UGT1A5: variants seen among roughly 807,000 people sequenced by gnomAD.
UGT1A5 encodes the protein UDP-glucuronosyltransferase 1A5.
In UGT1A5, 29 loss-of-function variants were observed where a neutral mutation model predicts 40.3. That is an observed-to-expected ratio of 0.72 (90% CI 0.54 to 0.98). The LOEUF is 0.98. UGT1A5 is among the 50% of genes least tolerant of loss of function. The probability of loss-of-function intolerance (pLI) is 0.00; values close to 1 mark genes in which losing one functional copy is unlikely to be tolerated. For missense variants in UGT1A5, 678 were observed against 677.9 expected (o/e 1.00, Z 0.00); for synonymous variants, 257 against 262.5 (o/e 0.98, Z 0.20).
chr2:233,742,301 A>C (rs1405327803), intron 1 of UGT1A5, among the ~76,000 whole-genome samples: 1 of 152,018 alleles, frequency 6.6e-6, no homozygotes, highest in Admixed American at 6.5e-5. Context: ...TTATAGATTA[A>C]CTAAAAGTAT....
At chr2:233,735,001 G>A (rs76924132) in intron 1 of UGT1A5, among the ~76,000 whole-genome samples, 2 of 152,186 alleles carry the variant, frequency 1.3e-5, no homozygotes, top group African/African-American at 4.8e-5. Flanking sequence ...TTGACTTAGG[G>A]TGGAGAGTTC....
rs1218307967 is a variant in UGT1A5 at position 233,768,238 on chromosome 2, C to G, written c.1106C>G (p.Ala369Gly). 1.2e-6 allele frequency: 2 copies of G among 1,614,074 alleles called. No homozygotes were observed. The highest frequency in any genetic ancestry group is 1.6e-4 in the Middle Eastern group (1 of 6,084). The change falls in exon 4 of 5, where the codon GCC becomes GGC. Residue 369 changes from alanine (A) to glycine (G), a missense_variant. Coordinates refer to ENST00000373414, the MANE Select transcript of UGT1A5 (RefSeq NM_019078.2). ...NDLLGHPMTR[A>G]FITHAGSHGV... Reference sequence around the variant, plus strand: ...ATCTCAGGTCACCCGATGACCCGTGCCTTTATCACCCATGCTGGTTCCCAT... The same window carrying G: ...ATCTCAGGTCACCCGATGACCCGTGGCTTTATCACCCATGCTGGTTCCCAT...
intron 1 of UGT1A5, among the ~76,000 whole-genome samples, chr2:233,725,821 C>A (rs539043727): frequency 6.6e-6 from 1 of 152,130 alleles, no homozygotes; most frequent in South Asian, 2.1e-4. Flanking sequence ...TATTGGATAC[C>A]AGTATTGCTA....
At chr2:233,747,683 T>C (rs1401123315) in intron 1 of UGT1A5, 4 of 1,608,556 alleles carry the variant, frequency 2.5e-6, no homozygotes, top group Middle Eastern at 1.7e-4. Flanking sequence ...TTTACCTCTG[T>C]GGGGCAGTGC....
intron 1 of UGT1A5, chr2:233,722,085 C>T: frequency 4.6e-6 from 1 of 216,028 alleles, no homozygotes; most frequent in Non-Finnish European, 9.4e-6. Context: ...TTTCACAGAT[C>T]ACCTTAGGCC....
chr2:233,757,554 ATATATATG>A lies in UGT1A5; in HGVS notation c.868-9471_868-9464del, dbSNP rs1052235726. On this transcript the variant is annotated intron_variant, in intron 1 of 4. Transcript: ENST00000373414. ...GTAAGGAATATATATATATATATAT[ATATATATG>A]TATATATGATATAGCTATAGTCTAA... Among the ~76,000 whole-genome samples the A allele has an allele frequency of 3.8e-3, 481 of 125,326 alleles. 1 individual carries two copies. Among genetic ancestry groups the A allele is most frequent in the Non-Finnish European group, 4.6e-3 (284 of 61,224 alleles). 82.2% of individuals were successfully genotyped at this position (125,326 alleles called of 152,430 possible).
intron 1 of UGT1A5, among the ~76,000 whole-genome samples, chr2:233,759,163 C>T (rs28899472): frequency 0.024 from 3,618 of 152,322 alleles, 42 homozygotes; most frequent in Non-Finnish European, 0.031. Flanking sequence ...GAACACAAGG[C>T]AGGCAGGTTT....
chr2:233,730,043 T>A (rs766678673), intron 1 of UGT1A5: 9 of 1,612,624 alleles, frequency 5.6e-6, no homozygotes, highest in South Asian at 2.2e-5. Context: ...AAACACTTTT[T>A]AAAAAAATGT....
chr2:233,768,568 G>A, intron 4 of UGT1A5, 129 bp downstream of exon 4: 1 of 1,402,764 alleles, frequency 7.1e-7, no homozygotes, highest in Non-Finnish European at 9.3e-7. Context: ...TAAAAATCTG[G>A]ATTTTTATTT....
intron 1 of UGT1A5, chr2:233,729,523 C>T (rs753472390): frequency 6.2e-7 from 1 of 1,614,202 alleles, no homozygotes; most frequent in Non-Finnish European, 8.5e-7. Context: ...GGAGCTACTA[C>T]ATAATGAGGC....
Position 233,769,482 on chromosome 2 carries a change from T to A in UGT1A5, c.1307+1043T>A. On this transcript the variant is annotated intron_variant, in intron 4 of 4. Coordinates refer to ENST00000373414, the MANE Select transcript of UGT1A5 (RefSeq NM_019078.2). The surrounding 1 kb of genome is among the most constrained non-coding windows in gnomAD (Gnocchi z 4.4). Reference sequence around the variant, plus strand: ...TCATATGCGTGTGTGTGTGTGTGCGTGTGTTTATGAGAGTGTCCATTGCTT... The same window carrying A: ...TCATATGCGTGTGTGTGTGTGTGCGAGTGTTTATGAGAGTGTCCATTGCTT... The A allele has an allele frequency of 6.2e-7, 1 of 1,611,750 alleles. No homozygotes were observed.
At position 233,721,862 on chromosome 2, in the gene UGT1A5, T is replaced by C. The variant is rs1254741944; in HGVS notation, c.867+8004T>C. Reference sequence around the variant, plus strand: ...TGTGTCCAGCCCCACTGCTCGGCCCTGGGCACACTTGCCAGCCCCTCCATT... The same window carrying C: ...TGTGTCCAGCCCCACTGCTCGGCCCCGGGCACACTTGCCAGCCCCTCCATT... On this transcript the variant is annotated intron_variant, in intron 1 of 4. Coordinates refer to ENST00000373414, the MANE Select transcript of UGT1A5 (RefSeq NM_019078.2). 6 of 506,358 alleles carry C rather than the reference T, an allele frequency of 1.2e-5. No individual in the cohort carries two copies. The Admixed American group carries it at 1.2e-4, about 10-fold the overall frequency. The allele number at this position is 506,358 out of a possible 1,614,324, so 31.4% of individuals were successfully genotyped here.
intron 1 of UGT1A5, among the ~76,000 whole-genome samples, chr2:233,752,746 AAAACAAAC>A (rs200752387): frequency 7.9e-5 from 12 of 152,308 alleles, no homozygotes; most frequent in East Asian, 1.9e-4. Context: ...CCCTGTCTCT[AAAACAAAC>A]AAACAAACAA....
chr2:233,759,973 C>G (rs1206858232), intron 1 of UGT1A5, among the ~76,000 whole-genome samples: 2 of 152,170 alleles, frequency 1.3e-5, no homozygotes, highest in African/African-American at 4.8e-5. Context: ...TTCTTCCTCT[C>G]TGGTAACACT....
rs533353525 is a variant in UGT1A5 at position 233,716,906 on chromosome 2, C to T, written c.867+3048C>T. ...GCCCAGACCCCTCCTCATCTCCAGA[C>T]CCTGGAAGCTGATGCCTTGGGCAGC... On this transcript the variant is annotated intron_variant, in intron 1 of 4. Transcript: ENST00000373414. 3.3e-5 allele frequency among the ~76,000 whole-genome samples: 5 copies of T among 152,262 alleles called. No individual in the cohort carries two copies. The South Asian group carries it at 8.3e-4, about 25-fold the overall frequency.
rs1575521689 is a variant in UGT1A5, at chr2:233,718,730, T to C, written c.867+4872T>C. Reference sequence around the variant, plus strand: ...TCCAATTACATGCTGATTTGCTAGGTGGCTCAATGACAAGGTAATTAAGGC... The same window carrying C: ...TCCAATTACATGCTGATTTGCTAGGCGGCTCAATGACAAGGTAATTAAGGC... On this transcript the variant is annotated intron_variant, in intron 1 of 4. Transcript: ENST00000373414. 6.2e-6 allele frequency: 10 copies of C among 1,611,210 alleles called. No homozygotes were observed. The East Asian group carries it at 2.2e-4, about 36-fold the overall frequency.
intron 1 of UGT1A5, chr2:233,747,729 T>A: frequency 6.2e-7 from 1 of 1,613,510 alleles, no homozygotes. Context: ...TGTGTTTTTT[T>A]TGAGGAACAT....
intron 1 of UGT1A5, chr2:233,729,881 C>T (rs1164878821): frequency 1.9e-6 from 3 of 1,613,778 alleles, no homozygotes; most frequent in Admixed American, 3.3e-5. Flanking sequence ...CTCAGTCATG[C>T]ATCTGTGTGG....
rs1699778109 is a variant in UGT1A5 at position 233,769,042 on chromosome 2, T to C, written c.1307+603T>C. Reference sequence around the variant, plus strand: ...AAAAGTTGCCATAATAGACATCTGATCCATAAGTTTCCTGCACAGAAAGAA... The same window carrying C: ...AAAAGTTGCCATAATAGACATCTGACCCATAAGTTTCCTGCACAGAAAGAA... On this transcript the variant is annotated intron_variant, in intron 4 of 4. Transcript: ENST00000373414. This position sits in a 1 kb window ranked among gnomAD's most constrained non-coding sequence, Gnocchi z 4.4. 1.3e-5 allele frequency among the ~76,000 whole-genome samples: 2 copies of C among 152,190 alleles called. No individual in the cohort carries two copies. The highest frequency in any genetic ancestry group is 2.9e-5 in the Non-Finnish European group (2 of 68,040).
Sources: allele counts gnomAD v4.1 joint callset (sites outside exome capture counted in the v4.1 genomes callset), GRCh38; gene constraint gnomAD v4.1.1; non-coding constraint Gnocchi (gnomAD v3.1); transcripts MANE v1.5; gene names NCBI Gene and HGNC (gene_info 2026-07-23, HGNC 2026-07-21).